BCKDHB: variants seen among roughly 807,000 people sequenced by gnomAD.
The protein encoded by BCKDHB is branched chain keto acid dehydrogenase E1 subunit beta, also known as 2-oxoisovalerate dehydrogenase subunit beta, mitochondrial.
A neutral mutation model predicts 48.5 loss-of-function variants in BCKDHB; 41 were observed. The ratio of observed to expected loss-of-function variants is 0.85; its 90% CI spans 0.66 to 1.10. The LOEUF (loss-of-function observed/expected upper bound fraction) is 1.10, where lower values mean the gene tolerates loss of function less well. Among genes scored for constraint, BCKDHB ranks in the 50% least tolerant of loss-of-function variants. The pLI, the probability that BCKDHB is intolerant of heterozygous loss-of-function variation, is 0.00. For synonymous variants in BCKDHB, 201 were observed against 174.8 expected (o/e 1.15, Z -1.18); for missense variants, 496 against 494.2 (o/e 1.00, Z -0.03).
chr6:80,125,324 G>T (rs1240237634), intron 1 of BCKDHB, among the ~76,000 whole-genome samples: 1 of 152,162 alleles, frequency 6.6e-6, no homozygotes, highest in Non-Finnish European at 1.5e-5. Context: ...TGACTTAAGG[G>T]AATGTCGTGT....
At position 80,168,941 on chromosome 6, in the gene BCKDHB, A is replaced by G. The variant is rs765858301; in HGVS notation, c.544A>G (p.Ile182Val). 10 of 1,614,140 alleles carry G rather than the reference A, an allele frequency of 6.2e-6. No individual in the cohort carries two copies. The South Asian group carries it at 6.6e-5, about 11-fold the overall frequency. ...TCTTTTTAACTGTGGAAGCCTCACT[A>G]TCCGGTCCCCTTGGGGCTGTGTTGG... is the stretch of plus-strand genomic sequence containing the variant. ...GDLFNCGSLT[I>V]RSPWGCVGHG... The change falls in exon 5 of 10, where the codon ATC becomes GTC. Residue 182 changes from isoleucine (I) to valine (V), a missense_variant. By Grantham distance (29) the Ile-to-Val change is conservative. Coordinates refer to ENST00000320393, the MANE Select transcript of BCKDHB (RefSeq NM_183050.4).
At chr6:80,422,411 G>T in the BCKDHB span, among the ~76,000 whole-genome samples, 5 of 152,336 alleles carry the variant, frequency 3.3e-5, no homozygotes, top group South Asian at 8.3e-4. Flanking sequence ...GAGGGAAAAG[G>T]TGGGGTTGGT....
At chr6:80,282,714 A>G (rs1766401500) in intron 9 of BCKDHB, among the ~76,000 whole-genome samples, 1 of 152,066 alleles carries the variant, frequency 6.6e-6, no homozygotes. Context: ...ATATATACAT[A>G]CATCTAGGCA....
intron 9 of BCKDHB, among the ~76,000 whole-genome samples, chr6:80,341,496 A>G (rs565567427): frequency 3.9e-5 from 6 of 152,318 alleles, no homozygotes; most frequent in South Asian, 4.1e-4. Context: ...ATGTTTTTCT[A>G]TGCTCGTGCA....
chr6:80,166,500 A>G (rs1202266628), intron 3 of BCKDHB, among the ~76,000 whole-genome samples: 1 of 152,008 alleles, frequency 6.6e-6, no homozygotes, highest in East Asian at 1.9e-4. Flanking sequence ...TCCTAAAAAT[A>G]CAAAAATTAG....
the BCKDHB span, among the ~76,000 whole-genome samples, chr6:80,404,284 T>C: frequency 6.6e-6 from 1 of 152,116 alleles, no homozygotes; most frequent in South Asian, 2.1e-4. Flanking sequence ...GGTTTTCTAT[T>C]TCTTCATAGT....
chr6:80,407,226 G>A, the BCKDHB span, among the ~76,000 whole-genome samples: 18 of 152,166 alleles, frequency 1.2e-4, no homozygotes, highest in Admixed American at 5.9e-4. Context: ...TATCTGCTTC[G>A]ATAACAATAC....
intron 8 of BCKDHB, among the ~76,000 whole-genome samples, chr6:80,211,744 T>C (rs1774943759): frequency 6.6e-6 from 1 of 152,122 alleles, no homozygotes; most frequent in Admixed American, 6.5e-5. Flanking sequence ...CAACATAGAT[T>C]CTTTCTATTT....
At chr6:80,169,311 G>T (rs1772772522) in intron 5 of BCKDHB, among the ~76,000 whole-genome samples, 1 of 152,110 alleles carries the variant, frequency 6.6e-6, no homozygotes, top group African/African-American at 2.4e-5. Context: ...AACATAGTTG[G>T]TTTACCTCCC....
chr6:80,266,490 T>C (rs1777518875), intron 8 of BCKDHB, among the ~76,000 whole-genome samples: 1 of 152,116 alleles, frequency 6.6e-6, no homozygotes, highest in Non-Finnish European at 1.5e-5. Context: ...TCCAGTACAA[T>C]ACCTTTGCCG....
At chr6:80,131,316 A>G (rs2322630) in intron 3 of BCKDHB, among the ~76,000 whole-genome samples, 55,710 of 152,096 alleles carry the variant, frequency 0.37, 12,101 homozygotes, top group East Asian at 0.56. Flanking sequence ...CCCAGCAAAT[A>G]TATGCCTCCT....
intron 9 of BCKDHB, among the ~76,000 whole-genome samples, chr6:80,273,943 A>AT (rs975411242): frequency 1.3e-5 from 2 of 152,088 alleles, no homozygotes; most frequent in Non-Finnish European, 2.9e-5. Context: ...TTAAGTAGCC[A>AT]TATTTTAAAT....
the BCKDHB span, among the ~76,000 whole-genome samples, chr6:80,406,850 CTTTAG>C: frequency 1.3e-5 from 2 of 152,176 alleles, no homozygotes; most frequent in Non-Finnish European, 2.9e-5. Flanking sequence ...TGCAGAAGCT[CTTTAG>C]TTTAATTAGA....
chr6:80,202,794 C>T (rs933777788), intron 7 of BCKDHB, among the ~76,000 whole-genome samples: 1 of 140,348 alleles, frequency 7.1e-6, no homozygotes. Context: ...CCCTTTACTT[C>T]TCCCTCTACA....
the BCKDHB span, among the ~76,000 whole-genome samples, chr6:80,461,056 G>T: frequency 6.6e-6 from 1 of 152,132 alleles, no homozygotes; most frequent in South Asian, 2.1e-4. Flanking sequence ...TCTTGGTGAC[G>T]TAATCTATTT....
chr6:80,454,114 G>C, the BCKDHB span: 1 of 152,202 alleles, frequency 6.6e-6, no homozygotes, highest in African/African-American at 2.4e-5. Flanking sequence ...TTGAAGGGTG[G>C]CTTTGAAATC....
chr6:80,201,374 C>T (rs1652755303), intron 7 of BCKDHB, among the ~76,000 whole-genome samples: 1 of 152,108 alleles, frequency 6.6e-6, no homozygotes, highest in Non-Finnish European at 1.5e-5. Flanking sequence ...TCCCTAGTCA[C>T]TGCTGTATAT....
chr6:80,305,784 G>A (rs1767843898), intron 9 of BCKDHB, among the ~76,000 whole-genome samples: 1 of 152,122 alleles, frequency 6.6e-6, no homozygotes, highest in African/African-American at 2.4e-5. Flanking sequence ...CCTACCATGG[G>A]ACCAGATGAG....
the BCKDHB span, among the ~76,000 whole-genome samples, chr6:80,432,973 T>C: frequency 5.9e-5 from 9 of 152,306 alleles, no homozygotes; most frequent in African/African-American, 2.2e-4. Context: ...CCTGTTTGCC[T>C]GGGTATCACC....
Sources: gnomAD v4.1 joint callset for allele counts (sites outside exome capture counted in the v4.1 genomes callset) on GRCh38, gnomAD v4.1.1 for gene constraint, MANE v1.5 for transcripts, NCBI Gene and HGNC (gene_info 2026-07-23, HGNC 2026-07-21) for gene names.